TSPAN9: variants seen among roughly 807,000 people sequenced by gnomAD.
The protein encoded by TSPAN9 is tetraspanin-9.
A neutral mutation model predicts 31.0 loss-of-function variants in TSPAN9; 16 were observed. That is an observed-to-expected ratio of 0.52 (90% CI 0.35 to 0.78). The LOEUF (loss-of-function observed/expected upper bound fraction) is 0.78. Among genes scored for constraint, TSPAN9 ranks in the 30% least tolerant of loss-of-function variants. The probability of loss-of-function intolerance (pLI) is 0.01; values close to 1 mark genes in which losing one functional copy is unlikely to be tolerated. For missense variants in TSPAN9, 272 were observed against 312.5 expected, an observed-to-expected ratio of 0.87 and a Z score of 0.98; for synonymous variants, 145 against 121.6, an observed-to-expected ratio of 1.19 and a Z score of -1.27.
At chr12:3,245,582 T>C (rs1408237324) in intron 3 of TSPAN9, among the ~76,000 whole-genome samples, 2 of 152,156 alleles carry the variant, frequency 1.3e-5, no homozygotes, top group East Asian at 3.9e-4. Flanking sequence ...GGGAGAAGCC[T>C]GCCTGCCCCG....
chr12:3,099,370 A>G (rs973513116), intron 2 of TSPAN9, among the ~76,000 whole-genome samples: 3 of 152,058 alleles, frequency 2.0e-5, no homozygotes, highest in African/African-American at 7.2e-5. Context: ...TAGACATTCC[A>G]TTTGAGTGTT....
At chr12:3,087,807 GA>G (rs558772220) in intron 2 of TSPAN9, among the ~76,000 whole-genome samples, 68 of 147,724 alleles carry the variant, frequency 4.6e-4, no homozygotes, top group Middle Eastern at 3.5e-3. Flanking sequence ...CTCCATCTTG[GA>G]AAAAAAAAAA....
Position 3,283,221 on chromosome 12 carries a change from AC to A in TSPAN9, c.*111del. ...CTCTCCAGATATGACCCCTGCACCC[AC>A]CCCCCACAGCCTGCCCTACCCCACC... On this transcript the variant is annotated 3_prime_UTR_variant, in exon 9 of 9. Coordinates refer to ENST00000011898, the MANE Select transcript of TSPAN9 (RefSeq NM_006675.5). 1.1e-5 allele frequency: 13 copies of A among 1,172,310 alleles called. No homozygotes were observed. The highest frequency in any genetic ancestry group is 1.6e-5 in the South Asian group (1 of 64,072). 72.6% of individuals were successfully genotyped at this position (1,172,310 alleles called of 1,614,324 possible).
At chr12:3,260,478 T>C (rs1862428162) in intron 3 of TSPAN9, among the ~76,000 whole-genome samples, 1 of 152,212 alleles carries the variant, frequency 6.6e-6, no homozygotes, top group African/African-American at 2.4e-5. Context: ...CAGCTGGGGC[T>C]ACACAGAACA....
chr12:3,134,069 G>A (rs2098331009), intron 2 of TSPAN9, among the ~76,000 whole-genome samples: 1 of 152,198 alleles, frequency 6.6e-6, no homozygotes, highest in African/African-American at 2.4e-5. Context: ...CGATCTTGCA[G>A]GGTGTCAGGC....
intron 2 of TSPAN9, among the ~76,000 whole-genome samples, chr12:3,142,592 G>A (rs1473174237): frequency 6.6e-6 from 1 of 152,188 alleles, no homozygotes. Flanking sequence ...GGCTCAGCAA[G>A]CCGCCTGAGA....
intron 2 of TSPAN9, among the ~76,000 whole-genome samples, chr12:3,133,879 C>T (rs867890490): frequency 6.6e-6 from 1 of 152,202 alleles, no homozygotes; most frequent in Non-Finnish European, 1.5e-5. Flanking sequence ...GGCCAGACAG[C>T]CACCCAGGCG....
At chr12:3,226,779 TATATATATA>T (rs2098387934) in intron 3 of TSPAN9, among the ~76,000 whole-genome samples, 2 of 8,734 alleles carry the variant, frequency 2.3e-4, no homozygotes, top group African/African-American at 4.4e-4. Flanking sequence ...TATATATATA[TATATATATA>T]TATATATTTT....
chr12:3,163,296 A>G (rs528954259), intron 2 of TSPAN9, among the ~76,000 whole-genome samples: 2 of 152,300 alleles, frequency 1.3e-5, no homozygotes, highest in African/African-American at 4.8e-5. Context: ...AAGCCCCATA[A>G]TTGAATATGA....
At chr12:3,089,447 C>CT in intron 2 of TSPAN9, among the ~76,000 whole-genome samples, 1 of 151,096 alleles carries the variant, frequency 6.6e-6, no homozygotes, top group Non-Finnish European at 1.5e-5. Flanking sequence ...CAGGCATGTG[C>CT]CACCACGCCT....
At chr12:3,177,416 C>T (rs923760655) in intron 2 of TSPAN9, among the ~76,000 whole-genome samples, 8 of 149,908 alleles carry the variant, frequency 5.3e-5, no homozygotes, top group Non-Finnish European at 7.4e-5. Flanking sequence ...GGATTACAGG[C>T]GTGAGCCACT....
chr12:3,226,116 G>A (rs1291386387), intron 3 of TSPAN9, among the ~76,000 whole-genome samples: 2 of 152,090 alleles, frequency 1.3e-5, no homozygotes, highest in African/African-American at 4.8e-5. Context: ...GGGAAAGGAG[G>A]GGACAGGATT....
chr12:3,202,669 C>G (rs560804937), intron 3 of TSPAN9, among the ~76,000 whole-genome samples: 3 of 152,264 alleles, frequency 2.0e-5, no homozygotes, highest in South Asian at 2.1e-4. Flanking sequence ...CTCATCTTCT[C>G]TCTTGGGGAG....
chr12:3,109,067 C>T (rs2098316330), intron 2 of TSPAN9, among the ~76,000 whole-genome samples: 1 of 152,044 alleles, frequency 6.6e-6, no homozygotes, highest in Non-Finnish European at 1.5e-5. Context: ...TCCCGAGTAG[C>T]TGGGACTACA....
chr12:3,237,016 T>G (rs564584817), intron 3 of TSPAN9, among the ~76,000 whole-genome samples: 1 of 152,112 alleles, frequency 6.6e-6, no homozygotes, highest in Non-Finnish European at 1.5e-5. Context: ...CAGTGAGCAG[T>G]GCGGTGTGAG....
intron 2 of TSPAN9, among the ~76,000 whole-genome samples, chr12:3,148,478 C>T (rs1015915193): frequency 2.0e-5 from 3 of 152,192 alleles, no homozygotes; most frequent in Non-Finnish European, 4.4e-5. Context: ...CCTTCAGCAC[C>T]TGCGGCCTGT....
chr12:3,141,554 G>A (rs2098334856), intron 2 of TSPAN9, among the ~76,000 whole-genome samples: 1 of 152,110 alleles, frequency 6.6e-6, no homozygotes, highest in African/African-American at 2.4e-5. Context: ...TCACCCAGTG[G>A]CCTGTCCCTC....
chr12:3,177,690 C>T (rs931673307), intron 2 of TSPAN9, among the ~76,000 whole-genome samples: 1 of 152,246 alleles, frequency 6.6e-6, no homozygotes, highest in Non-Finnish European at 1.5e-5. Flanking sequence ...GCCTCAGCCT[C>T]CCAAAGTACT....
chr12:3,200,379 G>C (rs2098370734), intron 2 of TSPAN9: 1 of 152,218 alleles, frequency 6.6e-6, no homozygotes, highest in Non-Finnish European at 1.5e-5. Flanking sequence ...TTGCAGCTGC[G>C]GCGGATCCCT....
Sources: allele counts gnomAD v4.1 joint callset (sites outside exome capture counted in the v4.1 genomes callset), GRCh38; gene constraint gnomAD v4.1.1; transcripts MANE v1.5; gene names NCBI Gene and HGNC (gene_info 2026-07-23, HGNC 2026-07-21).